Variants in SKAP1 observed in about 807,000 individuals in gnomAD.
SKAP1 encodes the protein src kinase-associated phosphoprotein 1.
SKAP1 carries 44 observed loss-of-function variants against 58.5 expected under a neutral mutation model. The ratio of observed to expected loss-of-function variants is 0.75; its 90% confidence interval spans 0.59 to 0.97. The LOEUF is 0.97. Among genes scored for constraint, SKAP1 ranks in the 50% least tolerant of loss-of-function variants. The pLI is 0.00. For synonymous variants in SKAP1, 127 were observed against 149.7 expected, an observed-to-expected ratio of 0.85 and a Z score of 1.11; for missense variants, 390 against 435.2, an observed-to-expected ratio of 0.90 and a Z score of 0.92.
chr17:48,158,947 G>T (rs12373126), intron 11 of SKAP1, among the ~76,000 whole-genome samples: 1 of 147,258 alleles, frequency 6.8e-6, no homozygotes, highest in African/African-American at 2.5e-5. Context: ...GCAACAGAGC[G>T]AGACGCCTTC....
intron 4 of SKAP1, among the ~76,000 whole-genome samples, chr17:48,325,428 G>A (rs1428047862): frequency 1.3e-5 from 2 of 151,858 alleles, no homozygotes; most frequent in Non-Finnish European, 2.9e-5. Context: ...ATTACTGTTC[G>A]AATATTATCT....
intron 4 of SKAP1, among the ~76,000 whole-genome samples, chr17:48,259,181 G>T (rs1202479862): frequency 6.6e-6 from 1 of 151,940 alleles, no homozygotes; most frequent in Non-Finnish European, 1.5e-5. Context: ...TATTTTAAAA[G>T]TGCAGAACAA....
chr17:48,366,649 C>T (rs140063058), intron 2 of SKAP1, among the ~76,000 whole-genome samples: 2 of 152,220 alleles, frequency 1.3e-5, no homozygotes, highest in African/African-American at 2.4e-5. Context: ...CTGGCCACCA[C>T]GAAGAATTTT....
At chr17:48,142,707 C>G (rs936729641) in intron 11 of SKAP1, among the ~76,000 whole-genome samples, 1 of 152,176 alleles carries the variant, frequency 6.6e-6, no homozygotes, top group Non-Finnish European at 1.5e-5. Context: ...AGTGAGACTA[C>G]TGAGTTGATC....
At chr17:48,424,227 T>TTC (rs1211756474) in intron 1 of SKAP1, among the ~76,000 whole-genome samples, 27 of 4,722 alleles carry the variant, frequency 5.7e-3, no homozygotes, top group Non-Finnish European at 0.016. Flanking sequence ...ACCTCTTTTT[T>TTC]TTTTTTTTTT....
At chr17:48,210,006 C>T (rs528891353) in intron 4 of SKAP1, among the ~76,000 whole-genome samples, 2 of 152,274 alleles carry the variant, frequency 1.3e-5, no homozygotes, top group South Asian at 2.1e-4. Context: ...GCACATTAAT[C>T]GAGATATTCT....
At chr17:48,433,574 C>G (rs1437570342), upstream of SKAP1, among the ~76,000 whole-genome samples, 2 of 152,092 alleles carry the variant, frequency 1.3e-5, no homozygotes, top group Admixed American at 6.6e-5. Context: ...TAAAGACAAA[C>G]AACAAAAGAA....
At chr17:48,313,189 C>A (rs962540491) in intron 4 of SKAP1, among the ~76,000 whole-genome samples, 1 of 151,990 alleles carries the variant, frequency 6.6e-6, no homozygotes, top group African/African-American at 2.4e-5. Context: ...AGGAACCGAA[C>A]CTTGAACTTA....
the SKAP1 span, among the ~76,000 whole-genome samples, chr17:48,444,432 A>G: frequency 6.6e-6 from 1 of 152,212 alleles, no homozygotes; most frequent in Non-Finnish European, 1.5e-5. Flanking sequence ...AAAATGAGGA[A>G]AGTTAGCAAA....
chr17:48,319,445 T>C (rs914408090), intron 4 of SKAP1, among the ~76,000 whole-genome samples: 4 of 152,166 alleles, frequency 2.6e-5, no homozygotes, highest in Non-Finnish European at 4.4e-5. Context: ...AATGACAAAC[T>C]TGGAGAAATC....
chr17:48,246,506 T>G (rs1567836620), intron 4 of SKAP1, among the ~76,000 whole-genome samples: 1 of 152,214 alleles, frequency 6.6e-6, no homozygotes, highest in Non-Finnish European at 1.5e-5. Context: ...TTTATTTTAT[T>G]TTTTATTTTT....
chr17:48,320,157 T>C (rs759998439), intron 4 of SKAP1, among the ~76,000 whole-genome samples: 4 of 152,160 alleles, frequency 2.6e-5, no homozygotes, highest in Non-Finnish European at 5.9e-5. Context: ...TATCTATTAT[T>C]ACCAAGAAAC....
At chr17:48,333,999 G>C (rs2066537002) in intron 4 of SKAP1, among the ~76,000 whole-genome samples, 1 of 151,916 alleles carries the variant, frequency 6.6e-6, no homozygotes, top group East Asian at 1.9e-4. Context: ...GAAGGTAGAA[G>C]TAAACTGCCT....
intron 4 of SKAP1, among the ~76,000 whole-genome samples, chr17:48,262,574 A>C (rs2065497025): frequency 6.6e-6 from 1 of 152,260 alleles, no homozygotes; most frequent in African/African-American, 2.4e-5. Flanking sequence ...CAATTAAAAT[A>C]AACAATGTAT....
intron 4 of SKAP1, among the ~76,000 whole-genome samples, chr17:48,212,087 G>A (rs2064879406): frequency 6.6e-6 from 1 of 151,426 alleles, no homozygotes; most frequent in Admixed American, 6.6e-5. Context: ...CAGTAATACT[G>A]CACACAGCTA....
At chr17:48,268,912 A>AAATAGC (rs2065590714) in intron 4 of SKAP1, among the ~76,000 whole-genome samples, 1 of 152,186 alleles carries the variant, frequency 6.6e-6, no homozygotes, top group African/African-American at 2.4e-5. Flanking sequence ...AGCATTTTGA[A>AAATAGC]ATTTTGAAAG....
intron 11 of SKAP1, among the ~76,000 whole-genome samples, chr17:48,138,158 C>T (rs2063723487): frequency 6.6e-6 from 1 of 151,600 alleles, no homozygotes; most frequent in Non-Finnish European, 1.5e-5. Flanking sequence ...TCCTTGAATA[C>T]AGAAAAGCTT....
intron 4 of SKAP1, among the ~76,000 whole-genome samples, chr17:48,204,806 C>T (rs144862151): frequency 2.4e-4 from 36 of 152,056 alleles, no homozygotes; most frequent in African/African-American, 8.2e-4. Flanking sequence ...ACAAGAATAG[C>T]TCTGATGCAG....
At chr17:48,139,247 T>C (rs1218899681) in intron 11 of SKAP1, among the ~76,000 whole-genome samples, 3 of 150,812 alleles carry the variant, frequency 2.0e-5, no homozygotes, top group Non-Finnish European at 4.4e-5. Context: ...AGTGGTGAGA[T>C]CTCAGCTCAC....
Sources: allele counts gnomAD v4.1 joint callset (sites outside exome capture counted in the v4.1 genomes callset), GRCh38; gene constraint gnomAD v4.1.1; transcripts MANE v1.5; gene names NCBI Gene and HGNC (gene_info 2026-07-23, HGNC 2026-07-21).